Variants in BRIP1 observed in about 807,000 individuals in gnomAD.
The protein encoded by BRIP1 is BRCA1 interacting DNA helicase 1.
BRIP1 carries 88 observed loss-of-function variants against 119.7 expected under a neutral mutation model. That is an observed-to-expected ratio of 0.74 (90% CI 0.62 to 0.88). The LOEUF (loss-of-function observed/expected upper bound fraction) is 0.88. BRIP1 is among the 40% of genes least tolerant of loss of function. The pLI is 0.00. For synonymous variants in BRIP1, 443 were observed against 496.5 expected (o/e 0.89, Z 1.43); for missense variants, 1,259 against 1,455.4 (o/e 0.87, Z 2.20).
At position 61,831,607 on chromosome 17, in the gene BRIP1, T is replaced by C. The variant is rs1482697648; in HGVS notation, c.627+15494A>G. On this transcript the variant is annotated intron_variant, in intron 6 of 19. Transcript: ENST00000259008. This position sits in a 1 kb window ranked among gnomAD's most constrained non-coding sequence, Gnocchi z 4.1. Reference sequence around the variant, plus strand: ...GCTCAATAATATTCCATTGTATGTATACACCACATTTTGTTTATTCGTTTA... The same window carrying C: ...GCTCAATAATATTCCATTGTATGTACACACCACATTTTGTTTATTCGTTTA... Among the ~76,000 whole-genome samples, 1 of 152,242 alleles carries C rather than the reference T, an allele frequency of 6.6e-6. No individual in the cohort carries two copies. Among genetic ancestry groups the C allele is most frequent in the Non-Finnish European group, 1.5e-5 (1 of 68,028 alleles).
At position 61,757,868 on chromosome 17, in the gene BRIP1, C is replaced by T. The variant is rs1188088750; in HGVS notation, c.2098-13277G>A. ...AATAACTGGGCATGGTGGTATGTTCCTGTAGTCCCAGTTACCCAGGAGGCT... is the reference window on the plus strand; with the variant it reads ...AATAACTGGGCATGGTGGTATGTTCTTGTAGTCCCAGTTACCCAGGAGGCT... On this transcript the variant is annotated intron_variant, in intron 14 of 19. Transcript: ENST00000259008. The surrounding 1 kb of genome is among the most constrained non-coding windows in gnomAD (Gnocchi z 4.3). Among the ~76,000 whole-genome samples the T allele has an allele frequency of 6.6e-6, 1 of 151,906 alleles. No homozygotes were observed. Among genetic ancestry groups the T allele is most frequent in the African/African-American group, 2.4e-5 (1 of 41,384 alleles).
At position 61,744,943 on chromosome 17, in the gene BRIP1, A is replaced by G. The variant is rs927983433; in HGVS notation, c.2098-352T>C. ...CACCACTACTACTACTACTACTACT[A>G]TCTTGGCAATTTCAAAAGCAAAAGC... On this transcript the variant is annotated intron_variant, in intron 14 of 19. Transcript: ENST00000259008. This position sits in a 1 kb window ranked among gnomAD's most constrained non-coding sequence, Gnocchi z 5.0. 4.0e-5 allele frequency among the ~76,000 whole-genome samples: 6 copies of G among 151,878 alleles called. No individual in the cohort carries two copies. The highest frequency in any genetic ancestry group is 1.5e-4 in the African/African-American group (6 of 41,368).
intron 18 of BRIP1, among the ~76,000 whole-genome samples, chr17:61,688,524 A>G (rs1364895081): frequency 6.6e-6 from 1 of 152,146 alleles, no homozygotes; most frequent in African/African-American, 2.4e-5. Flanking sequence ...AGGAATTTAC[A>G]GAGAAGTCCA....
chr17:61,786,771 T>C (rs2077715502), intron 10 of BRIP1, among the ~76,000 whole-genome samples: 1 of 134,480 alleles, frequency 7.4e-6, no homozygotes, highest in Admixed American at 8.4e-5. Flanking sequence ...TTATATATTA[T>C]ATATTTATAT....
In BRIP1 at chr17:61,815,819, G is replaced by T. The variant is rs1246929268; in HGVS notation, c.628-7062C>A. 6.6e-6 allele frequency among the ~76,000 whole-genome samples: 1 copy of T among 152,082 alleles called. No homozygotes were observed. Among genetic ancestry groups the T allele is most frequent in the Admixed American group, 6.5e-5 (1 of 15,270 alleles). ...GCATATGAAGAGCTAGTGGTAAAAG[G>T]CCAATGAACATAGAATTATACTACA... On this transcript the variant is annotated intron_variant, in intron 6 of 19. Coordinates refer to ENST00000259008, the MANE Select transcript of BRIP1 (RefSeq NM_032043.3). This position sits in a 1 kb window ranked among gnomAD's most constrained non-coding sequence, Gnocchi z 4.1.
At position 61,776,743 on chromosome 17, in the gene BRIP1, C is replaced by G. The variant is rs2077541262; in HGVS notation, c.1936-181G>C. 6.6e-6 allele frequency among the ~76,000 whole-genome samples: 1 copy of G among 152,120 alleles called. No homozygotes were observed. The highest frequency in any genetic ancestry group is 1.5e-5 in the Non-Finnish European group (1 of 68,012). ...ACAGATTTAATTTATAAATGTTTTG[C>G]TTTAGGCAGATCACTAAATTCTCTT... is the stretch of plus-strand genomic sequence containing the variant. On this transcript the variant is annotated intron_variant, in intron 13 of 19. Coordinates refer to ENST00000259008, the MANE Select transcript of BRIP1 (RefSeq NM_032043.3). The surrounding 1 kb of genome is among the most constrained non-coding windows in gnomAD (Gnocchi z 5.0).
chr17:61,737,460 T>G (rs1163561493), intron 16 of BRIP1, among the ~76,000 whole-genome samples: 1 of 152,184 alleles, frequency 6.6e-6, no homozygotes, highest in African/African-American at 2.4e-5. Flanking sequence ...GGGGCAAATA[T>G]GCATGATGTT....
At chr17:61,790,291 T>C (rs1388179386) in intron 10 of BRIP1, among the ~76,000 whole-genome samples, 1 of 152,166 alleles carries the variant, frequency 6.6e-6, no homozygotes, top group African/African-American at 2.4e-5. Context: ...ACACCTGTAA[T>C]CCTAGCACTT....
rs2061572090 is a variant in BRIP1, at chr17:61,699,083, T to C, written c.2493-5571A>G. ...GGGTCTATTTTATCTGATATTAGTATAACCAAACCAGCTCTCTTTTGTTTA... is the reference window on the plus strand; with the variant it reads ...GGGTCTATTTTATCTGATATTAGTACAACCAAACCAGCTCTCTTTTGTTTA... On this transcript the variant is annotated intron_variant, in intron 17 of 19. Transcript: ENST00000259008. The surrounding 1 kb of genome is among the most constrained non-coding windows in gnomAD (Gnocchi z 4.8). 6.6e-6 allele frequency among the ~76,000 whole-genome samples: 1 copy of C among 152,214 alleles called. No individual in the cohort carries two copies. Among genetic ancestry groups the C allele is most frequent in the Non-Finnish European group, 1.5e-5 (1 of 68,032 alleles).
chr17:61,820,484 C>T (rs181005155), intron 6 of BRIP1, among the ~76,000 whole-genome samples: 1 of 152,290 alleles, frequency 6.6e-6, no homozygotes, highest in East Asian at 1.9e-4. Flanking sequence ...TCTTACAGGA[C>T]AGCAATCCAC....
At chr17:61,840,369 A>AG (rs2078640385) in intron 6 of BRIP1, among the ~76,000 whole-genome samples, 1 of 151,648 alleles carries the variant, frequency 6.6e-6, no homozygotes, top group East Asian at 1.9e-4. Flanking sequence ...AAAAAAAAAA[A>AG]AAAAAAGAAA....
rs2078763580 is a variant in BRIP1, at chr17:61,848,235, T to C, written c.507+894A>G. On this transcript the variant is annotated intron_variant, in intron 5 of 19. Transcript: ENST00000259008. The surrounding 1 kb of genome is among the most constrained non-coding windows in gnomAD (Gnocchi z 4.3). ...CTCTGTCACCAAGGTTGAAGCATAATTGCATGATCTTAGCTCACCACAGCC... is the reference window on the plus strand; with the variant it reads ...CTCTGTCACCAAGGTTGAAGCATAACTGCATGATCTTAGCTCACCACAGCC... Among the ~76,000 whole-genome samples the C allele has an allele frequency of 6.6e-6, 1 of 152,200 alleles. No individual in the cohort carries two copies. The highest frequency in any genetic ancestry group is 1.5e-5 in the Non-Finnish European group (1 of 68,026).
chr17:61,792,707 G>A (rs2077837212), intron 10 of BRIP1, among the ~76,000 whole-genome samples: 1 of 152,192 alleles, frequency 6.6e-6, no homozygotes, highest in African/African-American at 2.4e-5. Flanking sequence ...GTGTAACACA[G>A]AAGATTTTTA....
Position 61,846,716 on chromosome 17 carries a change from A to G in BRIP1, c.627+385T>C, listed in dbSNP as rs2078738799. On this transcript the variant is annotated intron_variant, in intron 6 of 19. Coordinates refer to ENST00000259008, the MANE Select transcript of BRIP1 (RefSeq NM_032043.3). The surrounding 1 kb of genome is among the most constrained non-coding windows in gnomAD (Gnocchi z 4.3). The stretch of plus-strand genomic sequence containing the variant: ...ACATCTTAATATTATTACAAAAATA[A>G]TTTTCACCTCACAGATCACTCCCCA... 6.6e-6 allele frequency among the ~76,000 whole-genome samples: 1 copy of G among 152,158 alleles called. No homozygotes were observed. The highest frequency in any genetic ancestry group is 1.5e-5 in the Non-Finnish European group (1 of 68,034).
Position 61,814,282 on chromosome 17 carries a change from C to G in BRIP1, c.628-5525G>C, listed in dbSNP as rs1790189085. Among the ~76,000 whole-genome samples, 1 of 151,980 alleles carries G rather than the reference C, an allele frequency of 6.6e-6. No individual in the cohort carries two copies. The highest frequency in any genetic ancestry group is 2.4e-5 in the African/African-American group (1 of 41,422). ...CATGTTAAACTTCTATTTAAAGATA[C>G]ATATTCCTTAAAGAAGGAAAGAAAA... On this transcript the variant is annotated intron_variant, in intron 6 of 19. Transcript: ENST00000259008. The surrounding 1 kb of genome is among the most constrained non-coding windows in gnomAD (Gnocchi z 4.9).
At chr17:61,749,901 C>A (rs1269525709) in intron 14 of BRIP1, among the ~76,000 whole-genome samples, 1 of 152,174 alleles carries the variant, frequency 6.6e-6, no homozygotes, top group African/African-American at 2.4e-5. Context: ...CATATTGCAA[C>A]TTTACTCAAT....
rs1060501742 is a variant in BRIP1 at position 61,683,717 on chromosome 17, T to C, written c.3329A>G (p.Glu1110Gly). The change falls in exon 20 of 20, where the codon GAA (glutamate) becomes GGA (glycine). Residue 1110 changes from glutamate to glycine, a missense_variant. Coordinates refer to ENST00000259008, the MANE Select transcript of BRIP1 (RefSeq NM_032043.3). This position sits in a 1 kb window ranked among gnomAD's most constrained non-coding sequence, Gnocchi z 4.7. ...DPDIELSLVS[E>G]EDKQSTSNRD... ...ATTTGAAGTGGACTGTTTATCTTCT[T>C]CACTTACTAGAGACAATTCAATGTC... 1 of 1,614,098 alleles carries C rather than the reference T, an allele frequency of 6.2e-7. No homozygotes were observed. The highest frequency in any genetic ancestry group is 1.3e-5 in the African/African-American group (1 of 75,044).
At position 61,849,151 on chromosome 17, in the gene BRIP1, C is replaced by T. The variant is rs61757643; in HGVS notation, c.485G>A (p.Arg162Gln). 25 of 1,613,430 alleles carry T rather than the reference C, an allele frequency of 1.5e-5. No homozygotes were observed. Among genetic ancestry groups the T allele is most frequent in the Middle Eastern group, 3.3e-4 (2 of 6,056 alleles). ...DDFQVEKKRI[R>Q]PLETTQQIRK... The stretch of plus-strand genomic sequence containing the variant: ...TACCTGCTGTGTAGTTTCTAAGGGT[C>T]GAATTCTTTTCTTCTCTACTTGAAA... Residue 162 changes from arginine to glutamine, a missense_variant, in exon 5 of 20, where the codon CGA (arginine) becomes CAA (glutamine). Physicochemically the swap from Arg to Gln is conservative, Grantham distance 43. This residue lies in a region of BRIP1 where 501 missense variants were observed against 544.0 expected (regional missense o/e 0.92). Coordinates refer to ENST00000259008, the MANE Select transcript of BRIP1 (RefSeq NM_032043.3).
rs374598763 is a variant in BRIP1 at position 61,851,432 on chromosome 17, A to G, written c.380-2176T>C. 6.6e-6 allele frequency among the ~76,000 whole-genome samples: 1 copy of G among 152,224 alleles called. No homozygotes were observed. The highest frequency in any genetic ancestry group is 1.9e-4 in the East Asian group (1 of 5,174). On this transcript the variant is annotated intron_variant, in intron 4 of 19. Transcript: ENST00000259008. This position sits in a 1 kb window ranked among gnomAD's most constrained non-coding sequence, Gnocchi z 4.6. ...GAAGTAGGTCTTTAATCTACCTTGA[A>G]TGGGCTTTTGTATATGGTATAAAGT...
Sources: gnomAD v4.1 joint callset for allele counts (sites outside exome capture counted in the v4.1 genomes callset) on GRCh38, gnomAD v4.1.1 for gene constraint, gnomAD v4.1.1 regional missense constraint, Gnocchi (gnomAD v3.1) non-coding constraint, MANE v1.5 for transcripts, NCBI Gene and HGNC (gene_info 2026-07-23, HGNC 2026-07-21) for gene names.